Variants in FOXP2 observed in about 807,000 individuals in gnomAD.
The protein encoded by FOXP2 is forkhead box P2, also known as forkhead box protein P2.
Under a neutral mutation model 115.8 loss-of-function variants are expected in FOXP2, and 12 were observed. The ratio of observed to expected loss-of-function variants is 0.10; its 90% CI spans 0.07 to 0.17. The LOEUF (loss-of-function observed/expected upper bound fraction) is 0.17, where lower values mean the gene tolerates loss of function less well. Among genes scored for constraint, FOXP2 ranks in the 10% least tolerant of loss-of-function variants. FOXP2 has a pLI of 1.00. For synonymous variants in FOXP2, 328 were observed against 297.7 expected, an observed-to-expected ratio of 1.10 and a Z score of -1.05; for missense variants, 629 against 843.5, an observed-to-expected ratio of 0.75 and a Z score of 3.15.
chr7:114,543,139 A>G (rs922989841), intron 3 of FOXP2, among the ~76,000 whole-genome samples: 1 of 152,158 alleles, frequency 6.6e-6, no homozygotes, highest in Admixed American at 6.6e-5. Context: ...TAAGCTCATT[A>G]CAAGAATCTA....
chr7:114,640,825 A>G (rs6979982), intron 6 of FOXP2, among the ~76,000 whole-genome samples: 1,535 of 152,280 alleles, frequency 0.01, 21 homozygotes, highest in African/African-American at 0.035. Flanking sequence ...TTGGAGCTAC[A>G]GAGCATTGAG....
chr7:114,564,064 AAAACAAACATAC>A (rs1800882062), intron 3 of FOXP2, among the ~76,000 whole-genome samples: 1 of 152,054 alleles, frequency 6.6e-6, no homozygotes, highest in Non-Finnish European at 1.5e-5. Flanking sequence ...TACTTGTCAA[AAAACAAACATAC>A]AAACAAACAA....
At chr7:114,360,374 C>T (rs929489456) in intron 2 of FOXP2, among the ~76,000 whole-genome samples, 3 of 151,652 alleles carry the variant, frequency 2.0e-5, no homozygotes, top group Admixed American at 6.6e-5. Context: ...TCTTTTTTTT[C>T]CCAACTTCAC....
At chr7:114,187,556 T>A (rs1018041484) in intron 1 of FOXP2, among the ~76,000 whole-genome samples, 1 of 152,230 alleles carries the variant, frequency 6.6e-6, no homozygotes, top group African/African-American at 2.4e-5. Context: ...CAACTCTTCT[T>A]CTGAGCTGAC....
chr7:114,096,476 C>G (rs1284176989), intron 1 of FOXP2, among the ~76,000 whole-genome samples: 1 of 152,124 alleles, frequency 6.6e-6, no homozygotes. Flanking sequence ...TCAAGCCATC[C>G]CTAATCGTAC....
intron 1 of FOXP2, among the ~76,000 whole-genome samples, chr7:114,104,647 T>C (rs1791067533): frequency 1.3e-5 from 2 of 152,080 alleles, no homozygotes. Context: ...AACTAGTTAT[T>C]AATTTACATT....
chr7:114,495,692 A>G (rs1276141251), intron 2 of FOXP2, among the ~76,000 whole-genome samples: 4 of 151,478 alleles, frequency 2.6e-5, no homozygotes, highest in Admixed American at 6.6e-5. Flanking sequence ...TTTTTAGTAG[A>G]GACAGGTTTT....
At chr7:114,152,991 G>T (rs1389034439) in intron 1 of FOXP2, among the ~76,000 whole-genome samples, 3 of 152,048 alleles carry the variant, frequency 2.0e-5, no homozygotes, top group Non-Finnish European at 4.4e-5. Context: ...GCTATAGAAT[G>T]ACATAAATGA....
At chr7:114,575,946 G>A (rs1801555607) in intron 3 of FOXP2, among the ~76,000 whole-genome samples, 1 of 151,710 alleles carries the variant, frequency 6.6e-6, no homozygotes, top group South Asian at 2.1e-4. Flanking sequence ...ATAAAATACT[G>A]TATACATTTG....
chr7:114,149,201 T>A (rs1792465587), intron 1 of FOXP2, among the ~76,000 whole-genome samples: 1 of 152,100 alleles, frequency 6.6e-6, no homozygotes, highest in South Asian at 2.1e-4. Flanking sequence ...GGAAAAAGTG[T>A]TCAATTTTTT....
chr7:114,598,527 A>G (rs753676808), intron 3 of FOXP2, among the ~76,000 whole-genome samples: 4 of 151,764 alleles, frequency 2.6e-5, no homozygotes, highest in African/African-American at 9.7e-5. Flanking sequence ...TTTTTTTTCT[A>G]TGTTATTTAG....
intron 2 of FOXP2, among the ~76,000 whole-genome samples, chr7:114,391,267 A>T (rs1029890597): frequency 1.3e-5 from 2 of 152,042 alleles, no homozygotes; most frequent in African/African-American, 4.8e-5. Flanking sequence ...ATTTGGCGAC[A>T]TGCCCCTTTA....
intron 1 of FOXP2, among the ~76,000 whole-genome samples, chr7:114,287,824 A>T (rs1436465606): frequency 2.0e-5 from 3 of 151,982 alleles, no homozygotes; most frequent in African/African-American, 7.2e-5. Flanking sequence ...ATGTCTTGAA[A>T]GTTCTCTAAA....
chr7:114,318,883 A>G (rs550728834), intron 2 of FOXP2, among the ~76,000 whole-genome samples: 2 of 152,274 alleles, frequency 1.3e-5, no homozygotes, highest in East Asian at 3.9e-4. Flanking sequence ...TTCTGAAAAT[A>G]TCTGTAAATA....
At chr7:114,164,886 G>A (rs1792935030) in intron 1 of FOXP2, among the ~76,000 whole-genome samples, 1 of 152,000 alleles carries the variant, frequency 6.6e-6, no homozygotes, top group South Asian at 2.1e-4. Context: ...ACAGAAATAA[G>A]AATGAACAAA....
intron 1 of FOXP2, among the ~76,000 whole-genome samples, chr7:114,190,590 C>G (rs1793731563): frequency 2.0e-5 from 3 of 152,102 alleles, no homozygotes; most frequent in African/African-American, 7.2e-5. Context: ...ATCACGTGAT[C>G]CAATTCCTCA....
intron 3 of FOXP2, among the ~76,000 whole-genome samples, chr7:114,608,458 A>G (rs1012950812): frequency 6.6e-6 from 1 of 152,194 alleles, no homozygotes; most frequent in Non-Finnish European, 1.5e-5. Flanking sequence ...GAAGAAGGAT[A>G]AAGTCTGCTG....
At chr7:114,106,855 T>A (rs189578305) in intron 1 of FOXP2, among the ~76,000 whole-genome samples, 20 of 152,072 alleles carry the variant, frequency 1.3e-4, no homozygotes, top group Non-Finnish European at 1.9e-4. Flanking sequence ...ATTCTTTTTT[T>A]AATCAAAAGC....
chr7:114,138,477 T>C (rs1442676513), intron 1 of FOXP2, among the ~76,000 whole-genome samples: 1 of 151,114 alleles, frequency 6.6e-6, no homozygotes, highest in Non-Finnish European at 1.5e-5. Context: ...CTGCAACCTC[T>C]GCCTCCCGGG....
Sources: allele counts gnomAD v4.1 joint callset (sites outside exome capture counted in the v4.1 genomes callset), GRCh38; gene constraint gnomAD v4.1.1; transcripts MANE v1.5; gene names NCBI Gene and HGNC (gene_info 2026-07-23, HGNC 2026-07-21).